Variants in MEIOB observed in about 807,000 individuals in gnomAD.
MEIOB encodes the protein meiosis-specific with OB domain-containing protein.
Under a neutral mutation model 53.1 loss-of-function variants are expected in MEIOB, and 50 were observed. The ratio of observed to expected loss-of-function variants is 0.94; its 90% CI spans 0.75 to 1.19. MEIOB has a LOEUF of 1.19. MEIOB is among the 50% of genes most tolerant of loss of function. MEIOB has a pLI of 0.00. For synonymous variants in MEIOB, 192 were observed against 182.5 expected (o/e 1.05, Z -0.42); for missense variants, 551 against 550.8 (o/e 1.00, Z 0.00).
At chr16:1,844,096 T>C (rs1190153205) in intron 10 of MEIOB, among the ~76,000 whole-genome samples, 6 of 151,902 alleles carry the variant, frequency 3.9e-5, no homozygotes, top group Non-Finnish European at 8.8e-5. Flanking sequence ...TATTTGGGGC[T>C]CTTTGTTGCA....
At chr16:1,835,542 A>G (rs1030490234) in intron 13 of MEIOB, among the ~76,000 whole-genome samples, 1 of 152,170 alleles carries the variant, frequency 6.6e-6, no homozygotes, top group Non-Finnish European at 1.5e-5. Flanking sequence ...ACTGGGAAAG[A>G]CTTTAAGTGG....
At chr16:1,861,525 G>C (rs971248915) in intron 4 of MEIOB, among the ~76,000 whole-genome samples, 5 of 148,182 alleles carry the variant, frequency 3.4e-5, no homozygotes, top group African/African-American at 1.2e-4. Context: ...TGAATGCCTC[G>C]CATTGCAGTC....
At chr16:1,844,153 C>T (rs1231175577) in intron 10 of MEIOB, among the ~76,000 whole-genome samples, 6 of 142,592 alleles carry the variant, frequency 4.2e-5, no homozygotes, top group East Asian at 2.0e-4. Context: ...GACGGGGTCT[C>T]GCTCTGTTGC....
intron 6 of MEIOB, among the ~76,000 whole-genome samples, chr16:1,854,689 A>G (rs1414627656): frequency 1.3e-5 from 2 of 152,134 alleles, no homozygotes; most frequent in Non-Finnish European, 2.9e-5. Flanking sequence ...CAAATATAGG[A>G]TATGTCCTTT....
chr16:1,849,331 T>C (rs1259057169), intron 9 of MEIOB, among the ~76,000 whole-genome samples: 1 of 151,918 alleles, frequency 6.6e-6, no homozygotes, highest in Non-Finnish European at 1.5e-5. Context: ...GGCAGGCAGA[T>C]CACGAGATCA....
chr16:1,861,438 ATATG>A (rs1899439719), intron 4 of MEIOB, among the ~76,000 whole-genome samples: 1 of 152,160 alleles, frequency 6.6e-6, no homozygotes, highest in Non-Finnish European at 1.5e-5. Context: ...GCAAATTGAA[ATATG>A]TAATAAACCA....
At chr16:1,847,268 G>T (rs1220429595) in intron 9 of MEIOB, among the ~76,000 whole-genome samples, 2 of 150,252 alleles carry the variant, frequency 1.3e-5, no homozygotes, top group East Asian at 2.0e-4. Flanking sequence ...TCAAGACCAG[G>T]CTGGCCAACA....
intron 9 of MEIOB, 62 bp from the exon 10 acceptor site, chr16:1,845,025 A>G: frequency 1.4e-6 from 1 of 733,408 alleles, no homozygotes; most frequent in Admixed American, 2.6e-5. Context: ...TCACATTTAA[A>G]TCATCCAAAA....
At chr16:1,865,195 G>A (rs1291058010) in intron 3 of MEIOB, among the ~76,000 whole-genome samples, 1 of 152,138 alleles carries the variant, frequency 6.6e-6, no homozygotes, top group Non-Finnish European at 1.5e-5. Context: ...ACTTTGGGAG[G>A]CCGAGGCAGG....
At chr16:1,855,540 C>G (rs1899279143) in intron 6 of MEIOB, among the ~76,000 whole-genome samples, 1 of 152,148 alleles carries the variant, frequency 6.6e-6, no homozygotes, top group African/African-American at 2.4e-5. Flanking sequence ...ATGAAAGGTT[C>G]CAGACTCACT....
chr16:1,842,004 T>C, intron 10 of MEIOB, 31 bp from the exon 11 acceptor site: 1 of 1,389,098 alleles, frequency 7.2e-7, no homozygotes, highest in Non-Finnish European at 9.6e-7. Flanking sequence ...TACAGTTCTG[T>C]ATATATTCTA....
At chr16:1,865,494 T>C (rs939973881) in intron 3 of MEIOB, among the ~76,000 whole-genome samples, 1 of 109,602 alleles carries the variant, frequency 9.1e-6, no homozygotes, top group Non-Finnish European at 1.9e-5. Context: ...TGTACACACA[T>C]ACACACACAT....
intron 6 of MEIOB, among the ~76,000 whole-genome samples, chr16:1,855,312 G>A (rs1444945812): frequency 6.6e-6 from 1 of 152,092 alleles, no homozygotes; most frequent in Admixed American, 6.6e-5. Flanking sequence ...CACGCCTGTA[G>A]TCCTGGCTAC....
chr16:1,839,744 C>G (rs1898850397), intron 11 of MEIOB: 1 of 282,990 alleles, frequency 3.5e-6, no homozygotes, highest in Non-Finnish European at 6.7e-6. Context: ...TTCTCGTATC[C>G]CAGCCTGCAG....
At chr16:1,865,723 T>C (rs1186021199) in intron 3 of MEIOB, 55 bp downstream of exon 3, 8 of 1,263,274 alleles carry the variant, frequency 6.3e-6, no homozygotes, top group African/African-American at 3.0e-5. Context: ...TACTTTGTTG[T>C]AGTCATAAGC....
intron 5 of MEIOB, among the ~76,000 whole-genome samples, chr16:1,860,156 G>T (rs932061616): frequency 6.6e-6 from 1 of 152,166 alleles, no homozygotes; most frequent in African/African-American, 2.4e-5. Context: ...GTTTTAACAT[G>T]ACAAAGTCAA....
At chr16:1,851,828 GAT>G (rs1436286876) in intron 9 of MEIOB, among the ~76,000 whole-genome samples, 3 of 152,160 alleles carry the variant, frequency 2.0e-5, no homozygotes, top group African/African-American at 7.2e-5. Context: ...TGTTTTAAAT[GAT>G]ACACTACATA....
intron 10 of MEIOB, among the ~76,000 whole-genome samples, chr16:1,842,826 A>ATT (rs575850474): frequency 6.8e-6 from 1 of 147,988 alleles, no homozygotes; most frequent in African/African-American, 2.5e-5. Flanking sequence ...ACCACGGCTA[A>ATT]TTTTTTTTTG....
intron 1 of MEIOB, among the ~76,000 whole-genome samples, chr16:1,868,661 C>T (rs543580163): frequency 1.6e-4 from 25 of 152,124 alleles, no homozygotes; most frequent in Admixed American, 7.9e-4. Context: ...CGAGACCATC[C>T]CGGCTAACAT....
Sources: allele counts gnomAD v4.1 joint callset (sites outside exome capture counted in the v4.1 genomes callset), GRCh38; gene constraint gnomAD v4.1.1; transcripts MANE v1.5; gene names NCBI Gene and HGNC (gene_info 2026-07-23, HGNC 2026-07-21).